DIAPH3: variants seen among roughly 807,000 people sequenced by gnomAD.
The protein encoded by DIAPH3 is diaphanous related formin 3.
A neutral mutation model predicts 144.3 loss-of-function variants in DIAPH3; 117 were observed. The observed-to-expected ratio is 0.81, with a 90% CI of 0.70 to 0.95. The LOEUF is 0.95. DIAPH3 is among the 40% of genes least tolerant of loss of function. DIAPH3 has a pLI of 0.00. For synonymous variants in DIAPH3, 519 were observed against 488.9 expected (o/e 1.06, Z -0.81); for missense variants, 1,421 against 1,412.7 (o/e 1.01, Z -0.09).
intron 17 of DIAPH3, among the ~76,000 whole-genome samples, chr13:59,934,301 A>G (rs1040632796): frequency 6.6e-6 from 1 of 152,154 alleles, no homozygotes; most frequent in East Asian, 1.9e-4. Flanking sequence ...TAGCATAGAT[A>G]TTATTAAATT....
chr13:59,911,052 T>C (rs985037402), intron 20 of DIAPH3, among the ~76,000 whole-genome samples: 5 of 151,878 alleles, frequency 3.3e-5, no homozygotes, highest in Non-Finnish European at 5.9e-5. Flanking sequence ...ACAATCTTAT[T>C]AGAGAAACAA....
At chr13:60,086,487 T>G (rs1309858122) in intron 4 of DIAPH3, among the ~76,000 whole-genome samples, 2 of 152,128 alleles carry the variant, frequency 1.3e-5, no homozygotes, top group Non-Finnish European at 2.9e-5. Context: ...AGGCAAAGCA[T>G]CATAAGCAAG....
chr13:59,858,922 C>T (rs2043412240), intron 22 of DIAPH3, among the ~76,000 whole-genome samples: 1 of 152,066 alleles, frequency 6.6e-6, no homozygotes. Flanking sequence ...GTTCTCCCTG[C>T]TGATCTAGGA....
rs867976916 is a variant in DIAPH3 at position 59,892,964 on chromosome 13, T to C, written c.2368-13496A>G. On this transcript the variant is annotated intron_variant, in intron 20 of 27. Transcript: ENST00000400324. ...TCAAAATAAAGCTGAAGTGGCTATA[T>C]TAAGATAACACAAAGTAAGTTTCAG... Among the ~76,000 whole-genome samples the C allele has an allele frequency of 2.0e-5, 3 of 152,222 alleles. No homozygotes were observed. The East Asian group carries it at 5.8e-4, about 29-fold the overall frequency.
intron 5 of DIAPH3, among the ~76,000 whole-genome samples, chr13:60,041,402 GCAGTCTAGAGGA>G (rs913153221): frequency 6.6e-6 from 1 of 152,172 alleles, no homozygotes; most frequent in African/African-American, 2.4e-5. Context: ...CCATTAGTCT[GCAGTCTAGAGGA>G]CAGACTGGAA....
chr13:59,846,431 A>T (rs1434434346), intron 22 of DIAPH3, among the ~76,000 whole-genome samples: 1 of 152,158 alleles, frequency 6.6e-6, no homozygotes, highest in Non-Finnish European at 1.5e-5. Flanking sequence ...AAACCTTCCT[A>T]CACTCATAGA....
Position 59,845,015 on chromosome 13 carries a change from CT to C in DIAPH3, c.2738-5568del, listed in dbSNP as rs374108707. Among the ~76,000 whole-genome samples the C allele has an allele frequency of 6.9e-4, 102 of 148,464 alleles. 2 individuals carry two copies. Among genetic ancestry groups the C allele is most frequent in the East Asian group, 5.3e-3 (26 of 4,922 alleles). ...TGACTTAACACCTTTTTTTCTTTCT[CT>C]TTTTTTTTGAGACACCATTTTTTTC... On this transcript the variant is annotated intron_variant, in intron 22 of 27. Transcript: ENST00000400324.
At chr13:59,841,691 T>C (rs562234155) in intron 22 of DIAPH3, among the ~76,000 whole-genome samples, 1 of 152,296 alleles carries the variant, frequency 6.6e-6, no homozygotes, top group East Asian at 1.9e-4. Context: ...AGTAGTATAA[T>C]GGTAGCAGTA....
chr13:59,725,225 T>C (rs1040200401), intron 27 of DIAPH3, among the ~76,000 whole-genome samples: 1 of 152,198 alleles, frequency 6.6e-6, no homozygotes, highest in Non-Finnish European at 1.5e-5. Context: ...TTGTTTTTCA[T>C]AGGCAAAGAA....
At chr13:59,929,346 A>G (rs2047902873) in intron 17 of DIAPH3, among the ~76,000 whole-genome samples, 1 of 152,090 alleles carries the variant, frequency 6.6e-6, no homozygotes, top group Admixed American at 6.5e-5. Context: ...ATAATTAACC[A>G]TCTTTCTCAA....
chr13:59,716,021 A>C (rs1211586373), intron 27 of DIAPH3, among the ~76,000 whole-genome samples: 1 of 152,248 alleles, frequency 6.6e-6, no homozygotes, highest in Non-Finnish European at 1.5e-5. Context: ...ATGCACAAAA[A>C]TGTCACTTAA....
At chr13:60,092,877 G>A (rs1392941777) in intron 4 of DIAPH3, among the ~76,000 whole-genome samples, 1 of 152,128 alleles carries the variant, frequency 6.6e-6, no homozygotes. Context: ...AAATACCCAA[G>A]GAAAACTAGT....
intron 4 of DIAPH3, among the ~76,000 whole-genome samples, chr13:60,049,804 A>G (rs1379964099): frequency 6.6e-6 from 1 of 152,230 alleles, no homozygotes; most frequent in Admixed American, 6.5e-5. Flanking sequence ...CCATCTACTT[A>G]GATGGGGGAG....
At position 59,786,944 on chromosome 13, in the gene DIAPH3, T is replaced by TAAAA. The variant is rs558330128; in HGVS notation, c.3164-12125_3164-12122dup. Among the ~76,000 whole-genome samples the TAAAA allele has an allele frequency of 3.1e-4, 46 of 148,762 alleles. No individual in the cohort carries two copies. In the East Asian group the frequency reaches 8.3e-3, roughly 27 times the overall value. ...GGCAACATAGTGAGACCTTGTCTCT[T>TAAAA]AAAAAAAAAATAGCCAGTATGGTGG... On this transcript the variant is annotated intron_variant, in intron 25 of 27. Transcript: ENST00000400324.
At chr13:59,800,595 G>A (rs1379413943) in intron 25 of DIAPH3, among the ~76,000 whole-genome samples, 1 of 152,052 alleles carries the variant, frequency 6.6e-6, no homozygotes, top group Non-Finnish European at 1.5e-5. Context: ...TCATGATTTA[G>A]GAAACAGCAT....
chr13:59,771,400 T>G (rs451879), intron 27 of DIAPH3, among the ~76,000 whole-genome samples: 100,489 of 151,876 alleles, frequency 0.66, 33,705 homozygotes, highest in East Asian at 0.72. Context: ...TTTATTAAAA[T>G]AAATAAAAAG....
intron 2 of DIAPH3, among the ~76,000 whole-genome samples, chr13:60,115,106 A>G (rs1474138083): frequency 1.3e-5 from 2 of 152,192 alleles, no homozygotes; most frequent in Non-Finnish European, 2.9e-5. Flanking sequence ...GAAAAAATAC[A>G]TTTACAATAC....
chr13:59,850,389 T>C (rs2042894965), intron 22 of DIAPH3, among the ~76,000 whole-genome samples: 1 of 151,514 alleles, frequency 6.6e-6, no homozygotes, highest in Admixed American at 6.6e-5. Flanking sequence ...GGCATCCCTG[T>C]CTTGTGCCAG....
chr13:60,105,068 C>G (rs2058373432), intron 3 of DIAPH3, among the ~76,000 whole-genome samples: 1 of 115,642 alleles, frequency 8.6e-6, no homozygotes, highest in South Asian at 2.9e-4. Flanking sequence ...TATACTCCAT[C>G]CAGCCTGGGC....
Sources: gnomAD v4.1 joint callset for allele counts (sites outside exome capture counted in the v4.1 genomes callset) on GRCh38, gnomAD v4.1.1 for gene constraint, MANE v1.5 for transcripts, NCBI Gene and HGNC (gene_info 2026-07-23, HGNC 2026-07-21) for gene names.